GALNT13: variants seen among roughly 807,000 people sequenced by gnomAD.
GALNT13 encodes the protein polypeptide N-acetylgalactosaminyltransferase 13, also known as UDP-GalNAc:polypeptide N-acetylgalactosaminyltransferase 13.
GALNT13 carries 28 observed loss-of-function variants against 64.2 expected under a neutral mutation model. The observed-to-expected ratio is 0.44, with a 90% CI of 0.32 to 0.60. GALNT13 has a LOEUF of 0.60. Ranked by LOEUF, GALNT13 falls within the 20% of genes least tolerant of loss-of-function variation. The probability of loss-of-function intolerance (pLI) is 0.05; values close to 1 mark genes in which losing one functional copy is unlikely to be tolerated. For missense variants in GALNT13, 577 were observed against 669.8 expected (o/e 0.86, Z 1.53); for synonymous variants, 214 against 224.6 (o/e 0.95, Z 0.42).
the GALNT13 span, among the ~76,000 whole-genome samples, chr2:153,650,151 T>A: frequency 1.3e-5 from 2 of 152,224 alleles, no homozygotes; most frequent in Non-Finnish European, 2.9e-5. Context: ...GGTGCTTCTG[T>A]ATTGGGTGAA....
At chr2:154,153,384 G>A (rs564905774) in intron 4 of GALNT13, among the ~76,000 whole-genome samples, 1 of 152,288 alleles carries the variant, frequency 6.6e-6, no homozygotes, top group South Asian at 2.1e-4. Context: ...CAGGGGTCAG[G>A]GACCCACTTG....
At chr2:154,287,038 G>T in intron 8 of GALNT13, 1 of 649,994 alleles carries the variant, frequency 1.5e-6, no homozygotes. Flanking sequence ...CTCCAGGCAG[G>T]TGAGTGATGA....
At chr2:153,197,981 A>G in the GALNT13 span, among the ~76,000 whole-genome samples, 1 of 152,120 alleles carries the variant, frequency 6.6e-6, no homozygotes, top group Non-Finnish European at 1.5e-5. Context: ...TCCCTGGTAC[A>G]CTGTACCTCC....
the GALNT13 span, among the ~76,000 whole-genome samples, chr2:153,726,939 CA>C: frequency 0.052 from 2,641 of 50,864 alleles, 37 homozygotes; most frequent in East Asian, 0.21. Flanking sequence ...GACTCCATCT[CA>C]AAAAAAAAAA....
chr2:153,509,717 A>G, the GALNT13 span, among the ~76,000 whole-genome samples: 2 of 152,192 alleles, frequency 1.3e-5, no homozygotes, highest in Non-Finnish European at 2.9e-5. Flanking sequence ...ATAGTCACTA[A>G]TTACAACTAC....
chr2:153,684,822 A>G, the GALNT13 span, among the ~76,000 whole-genome samples: 1 of 151,598 alleles, frequency 6.6e-6, no homozygotes, highest in Non-Finnish European at 1.5e-5. Context: ...ATCTTCCAAA[A>G]GGCCCCATTG....
chr2:153,638,410 C>T, the GALNT13 span, among the ~76,000 whole-genome samples: 1 of 140,936 alleles, frequency 7.1e-6, no homozygotes, highest in African/African-American at 2.6e-5. Context: ...GCAGGATTCA[C>T]TGGTTGCCTG....
chr2:153,115,019 G>A, the GALNT13 span, among the ~76,000 whole-genome samples: 1 of 151,474 alleles, frequency 6.6e-6, no homozygotes. Context: ...CCTACCTCAT[G>A]GGCTTCTTGT....
the GALNT13 span, among the ~76,000 whole-genome samples, chr2:153,119,767 C>A: frequency 6.6e-6 from 1 of 152,156 alleles, no homozygotes; most frequent in Non-Finnish European, 1.5e-5. Context: ...TGTCTTGCTC[C>A]TTGAATGAGA....
chr2:153,293,608 A>G, the GALNT13 span, among the ~76,000 whole-genome samples: 1 of 152,170 alleles, frequency 6.6e-6, no homozygotes. Context: ...GAATTGTAAG[A>G]CAAGAAATTT....
chr2:153,235,206 T>C, the GALNT13 span, among the ~76,000 whole-genome samples: 1 of 152,124 alleles, frequency 6.6e-6, no homozygotes, highest in Admixed American at 6.5e-5. Flanking sequence ...TGAAATGAGG[T>C]CAATTAATAA....
Position 154,435,074 on chromosome 2 carries a change from A to C in GALNT13, c.1396-3518A>C, listed in dbSNP as rs191035886. Among the ~76,000 whole-genome samples, 4 of 152,312 alleles carry C rather than the reference A, an allele frequency of 2.6e-5. No homozygotes were observed. The East Asian group carries it at 7.7e-4, about 29-fold the overall frequency. The stretch of plus-strand genomic sequence containing the variant: ...AAAGTGATTAGACTTTGAACCAATT[A>C]ATTGTCATTAAAGTCAGGCTGCCAC... On this transcript the variant is annotated intron_variant, in intron 11 of 12. Coordinates refer to ENST00000392825, the MANE Select transcript of GALNT13 (RefSeq NM_052917.4).
chr2:153,195,090 G>T, the GALNT13 span, among the ~76,000 whole-genome samples: 4 of 152,168 alleles, frequency 2.6e-5, no homozygotes, highest in African/African-American at 4.8e-5. Flanking sequence ...TAGTGGCAGT[G>T]GGGGGATGAG....
the GALNT13 span, among the ~76,000 whole-genome samples, chr2:153,564,203 T>TATA: frequency 1.1e-5 from 1 of 94,312 alleles, no homozygotes; most frequent in Admixed American, 9.5e-5. Context: ...TATATATATA[T>TATA]TTTTTTTACT....
At chr2:153,723,999 C>G in the GALNT13 span, among the ~76,000 whole-genome samples, 1 of 148,334 alleles carries the variant, frequency 6.7e-6, no homozygotes, top group Non-Finnish European at 1.5e-5. Flanking sequence ...ATCGCCAAGT[C>G]AATCCTAAGC....
At chr2:154,187,767 C>A (rs1379375275) in intron 4 of GALNT13, among the ~76,000 whole-genome samples, 2 of 152,052 alleles carry the variant, frequency 1.3e-5, no homozygotes, top group African/African-American at 4.8e-5. Context: ...TTACTGCATA[C>A]ATACAAAATA....
At chr2:153,539,483 A>G in the GALNT13 span, among the ~76,000 whole-genome samples, 2 of 151,880 alleles carry the variant, frequency 1.3e-5, no homozygotes, top group Non-Finnish European at 2.9e-5. Flanking sequence ...TATGTCCTCA[A>G]TGGTAATGCC....
the GALNT13 span, among the ~76,000 whole-genome samples, chr2:153,722,445 A>G: frequency 6.9e-6 from 1 of 143,994 alleles, no homozygotes; most frequent in Non-Finnish European, 1.5e-5. Context: ...GAAGGCAAGA[A>G]ATAACTAAAA....
At chr2:153,916,636 C>T (rs932383401) in intron 2 of GALNT13, among the ~76,000 whole-genome samples, 4 of 152,022 alleles carry the variant, frequency 2.6e-5, no homozygotes, top group Non-Finnish European at 4.4e-5. Context: ...TTAAATGTTT[C>T]GGTGTGGATA....
Sources: allele counts gnomAD v4.1 joint callset (sites outside exome capture counted in the v4.1 genomes callset), GRCh38; gene constraint gnomAD v4.1.1; transcripts MANE v1.5; gene names NCBI Gene and HGNC (gene_info 2026-07-23, HGNC 2026-07-21).